ADAM2: variants seen among roughly 807,000 people sequenced by gnomAD.
The protein encoded by ADAM2 is ADAM metallopeptidase domain 2, also known as disintegrin and metalloproteinase domain-containing protein 2.
In ADAM2, 101 loss-of-function variants were observed where a neutral mutation model predicts 99.3. The observed-to-expected ratio is 1.02, with a 90% confidence interval of 0.87 to 1.20. The LOEUF is 1.20. ADAM2 is among the 50% of genes most tolerant of loss of function. The pLI, the probability that ADAM2 is intolerant of heterozygous loss-of-function variation, is 0.00. For synonymous variants in ADAM2, 323 were observed against 287.6 expected, an observed-to-expected ratio of 1.12 and a Z score of -1.25; for missense variants, 948 against 878.7, an observed-to-expected ratio of 1.08 and a Z score of -1.00.
At chr8:39,827,892 A>C (rs538490245) in intron 3 of ADAM2, among the ~76,000 whole-genome samples, 1 of 152,222 alleles carries the variant, frequency 6.6e-6, no homozygotes, top group African/African-American at 2.4e-5. Context: ...AAAAAAGGTA[A>C]GTATTTGAAT....
At chr8:39,751,472 T>C (rs1801944909) in intron 16 of ADAM2, among the ~76,000 whole-genome samples, 1 of 151,872 alleles carries the variant, frequency 6.6e-6, no homozygotes, top group Non-Finnish European at 1.5e-5. Flanking sequence ...GTGGGTTTTT[T>C]TGTTTGTTTT....
chr8:39,776,930 C>A (rs1307696651), intron 11 of ADAM2, 95 bp downstream of exon 11: 2 of 776,006 alleles, frequency 2.6e-6, no homozygotes, highest in Non-Finnish European at 2.1e-6. Flanking sequence ...CACAGCTGAT[C>A]GCCATTATTA....
At chr8:39,831,014 A>G (rs1328758801) in intron 3 of ADAM2, among the ~76,000 whole-genome samples, 1 of 152,190 alleles carries the variant, frequency 6.6e-6, no homozygotes, top group Non-Finnish European at 1.5e-5. Flanking sequence ...TTTAAGAACC[A>G]GGAAATGAGC....
chr8:39,810,330 T>A (rs184941328), intron 6 of ADAM2, among the ~76,000 whole-genome samples: 1 of 152,246 alleles, frequency 6.6e-6, no homozygotes, highest in African/African-American at 2.4e-5. Flanking sequence ...CACACAATAA[T>A]AATGGGCGAC....
chr8:39,833,735 C>T lies in ADAM2; in HGVS notation c.188+209G>A, dbSNP rs188936015. ...TGGATCACCAAATAAAAATTTGGTG[C>T]TACTGGGAACAAGAAGGAGGGGCAC... On this transcript the variant is annotated intron_variant, in intron 3 of 20. Coordinates refer to ENST00000265708, the MANE Select transcript of ADAM2 (RefSeq NM_001464.5). Among the ~76,000 whole-genome samples the T allele has an allele frequency of 1.7e-3, 264 of 152,028 alleles. 1 individual carries two copies. Among genetic ancestry groups the T allele is most frequent in the Non-Finnish European group, 2.9e-3 (200 of 67,918 alleles).
intron 10 of ADAM2, among the ~76,000 whole-genome samples, chr8:39,778,104 G>C (rs1466997638): frequency 6.7e-6 from 1 of 149,840 alleles, no homozygotes; most frequent in East Asian, 1.9e-4. Flanking sequence ...TTTTGTAAGA[G>C]TAAGATGCTT....
At chr8:39,806,747 A>C (rs1271993972) in intron 7 of ADAM2, among the ~76,000 whole-genome samples, 1 of 152,100 alleles carries the variant, frequency 6.6e-6, no homozygotes, top group Non-Finnish European at 1.5e-5. Flanking sequence ...AGATTTGGAG[A>C]TTTCCTGCCT....
At chr8:39,765,877 G>T (rs557269241) in intron 14 of ADAM2, among the ~76,000 whole-genome samples, 2 of 152,066 alleles carry the variant, frequency 1.3e-5, no homozygotes, top group South Asian at 4.2e-4. Context: ...TTCCAGTTGA[G>T]AATAAAGGTG....
chr8:39,791,191 C>A (rs1256839514), intron 7 of ADAM2, among the ~76,000 whole-genome samples: 1 of 151,988 alleles, frequency 6.6e-6, no homozygotes. Flanking sequence ...AATAGCCAAG[C>A]CAGCCAGTTT....
chr8:39,779,369 ATTG>A (rs1563352082), intron 10 of ADAM2, among the ~76,000 whole-genome samples: 6 of 151,996 alleles, frequency 3.9e-5, no homozygotes, highest in African/African-American at 1.4e-4. Context: ...CAGCAGTCCT[ATTG>A]AATTAGAGCC....
At chr8:39,819,377 T>A (rs554955964) in intron 6 of ADAM2, among the ~76,000 whole-genome samples, 36 of 152,230 alleles carry the variant, frequency 2.4e-4, no homozygotes, top group African/African-American at 7.5e-4. Flanking sequence ...AAGTATCATA[T>A]ATCAAAATGA....
chr8:39,829,226 T>C (rs1195157904), intron 3 of ADAM2, among the ~76,000 whole-genome samples: 1 of 151,940 alleles, frequency 6.6e-6, no homozygotes, highest in African/African-American at 2.4e-5. Flanking sequence ...GGATTTCTTA[T>C]ACAAGATACA....
At chr8:39,760,112 C>A (rs1423944989) in intron 15 of ADAM2, among the ~76,000 whole-genome samples, 1 of 152,084 alleles carries the variant, frequency 6.6e-6, no homozygotes, top group East Asian at 1.9e-4. Context: ...GGTGATCTGC[C>A]CGCCTCAGCC....
chr8:39,770,672 T>C (rs1802746769), intron 11 of ADAM2, among the ~76,000 whole-genome samples: 1 of 152,210 alleles, frequency 6.6e-6, no homozygotes, highest in Non-Finnish European at 1.5e-5. Context: ...GAGAGTATCA[T>C]ACATGTAAAG....
chr8:39,777,023 A>ACAT lies in ADAM2; in HGVS notation c.1027_1028+1dup, dbSNP rs1437489988. 6.4e-7 allele frequency: 1 copy of ACAT among 1,551,062 alleles called. No individual in the cohort carries two copies. The highest frequency in any genetic ancestry group is 1.1e-5 in the South Asian group (1 of 88,726). ...GTAAAGTATAAAAGTCAGAAATCTT[A>ACAT]CATTGCTTCTGGATTCATAATGCAG... On this transcript the variant is annotated splice_donor_variant, in intron 11 of 20. Transcript: ENST00000265708. LOFTEE classifies it high-confidence loss of function.
intron 7 of ADAM2, among the ~76,000 whole-genome samples, chr8:39,794,235 T>G (rs952940948): frequency 6.6e-6 from 1 of 152,166 alleles, no homozygotes; most frequent in Non-Finnish European, 1.5e-5. Flanking sequence ...TTTTTCTATC[T>G]TTAAATGGTA....
At chr8:39,777,583 G>T (rs895991232) in intron 10 of ADAM2, among the ~76,000 whole-genome samples, 3 of 152,008 alleles carry the variant, frequency 2.0e-5, no homozygotes, top group African/African-American at 7.2e-5. Context: ...AATGAGTAGA[G>T]AAACACAATT....
At chr8:39,787,087 AT>A (rs1464642366) in intron 9 of ADAM2, 32 bp from the exon 10 acceptor site, 1 of 1,377,910 alleles carries the variant, frequency 7.3e-7, no homozygotes, top group Admixed American at 2.2e-5. Context: ...TAATCATATA[AT>A]TTTGTAAAAA....
intron 15 of ADAM2, among the ~76,000 whole-genome samples, chr8:39,758,782 A>C (rs1802245914): frequency 6.6e-6 from 1 of 152,102 alleles, no homozygotes; most frequent in African/African-American, 2.4e-5. Context: ...ACTTTTGAAA[A>C]GGACACATTA....
Sources: gnomAD v4.1 joint callset for allele counts (sites outside exome capture counted in the v4.1 genomes callset) on GRCh38, gnomAD v4.1.1 for gene constraint, MANE v1.5 for transcripts, NCBI Gene and HGNC (gene_info 2026-07-23, HGNC 2026-07-21) for gene names.